The following STPG2 variants were observed in gnomAD, a reference collection of about 807,000 sequenced individuals.
STPG2 encodes the protein sperm tail PG-rich repeat containing 2.
STPG2 carries 56 observed loss-of-function variants against 54.2 expected under a neutral mutation model. The ratio of observed to expected loss-of-function variants is 1.03; its 90% CI spans 0.83 to 1.29. The LOEUF (loss-of-function observed/expected upper bound fraction) is 1.29, where lower values mean the gene tolerates loss of function less well. Among genes scored for constraint, STPG2 ranks in the 50% most tolerant of loss-of-function variants. The pLI is 0.00. For synonymous variants in STPG2, 200 were observed against 181.8 expected (o/e 1.10, Z -0.81); for missense variants, 596 against 544.9 (o/e 1.09, Z -0.93).
chr4:98,003,981 A>G (rs1202318147), intron 5 of STPG2, among the ~76,000 whole-genome samples: 2 of 152,020 alleles, frequency 1.3e-5, no homozygotes, highest in Non-Finnish European at 2.9e-5. Flanking sequence ...CATGTACATC[A>G]CCTCACATAA....
chr4:97,894,110 T>C (rs949551123), intron 8 of STPG2, among the ~76,000 whole-genome samples: 54 of 152,004 alleles, frequency 3.6e-4, no homozygotes, highest in Non-Finnish European at 7.8e-4. Flanking sequence ...TGTATAAAAG[T>C]TTGGCCTTAT....
intron 9 of STPG2, among the ~76,000 whole-genome samples, chr4:97,807,126 A>G (rs1727590868): frequency 6.6e-6 from 1 of 151,314 alleles, no homozygotes; most frequent in Non-Finnish European, 1.5e-5. Context: ...ATTTTCTTCC[A>G]TTGATGTAAT....
intron 4 of STPG2, chr4:97,441,651 T>G (rs553312320): frequency 6.6e-6 from 1 of 152,104 alleles, no homozygotes; most frequent in African/African-American, 2.4e-5. Context: ...AAAAAAGATA[T>G]AAAATTTCAC....
intron 5 of STPG2, among the ~76,000 whole-genome samples, chr4:98,083,783 T>C (rs1042451680): frequency 1.3e-5 from 2 of 152,226 alleles, no homozygotes; most frequent in Non-Finnish European, 2.9e-5. Context: ...GTAATGAAGA[T>C]ATAGAATGTT....
At chr4:97,612,964 T>C (rs992649992) in intron 10 of STPG2, among the ~76,000 whole-genome samples, 1 of 151,978 alleles carries the variant, frequency 6.6e-6, no homozygotes, top group African/African-American at 2.4e-5. Flanking sequence ...CCAATTTTAA[T>C]AAACATTTAT....
intron 4 of STPG2, among the ~76,000 whole-genome samples, chr4:97,519,286 A>G (rs1488080638): frequency 6.6e-6 from 1 of 152,080 alleles, no homozygotes; most frequent in Non-Finnish European, 1.5e-5. Flanking sequence ...GGTGCTTATC[A>G]TCTCTGATAA....
chr4:97,541,756 C>G (rs1341018279), intron 4 of STPG2, among the ~76,000 whole-genome samples: 1 of 152,156 alleles, frequency 6.6e-6, no homozygotes, highest in Non-Finnish European at 1.5e-5. Context: ...CAGCATGGTA[C>G]TGGTACCAAA....
intron 9 of STPG2, among the ~76,000 whole-genome samples, chr4:97,814,848 T>G (rs1197936743): frequency 1.3e-5 from 2 of 152,264 alleles, no homozygotes; most frequent in Non-Finnish European, 1.5e-5. Context: ...GCTTTGGGAT[T>G]CGGACTGACT....
intron 10 of STPG2, among the ~76,000 whole-genome samples, chr4:97,560,467 A>G (rs544356848): frequency 2.7e-4 from 41 of 152,288 alleles, no homozygotes; most frequent in Admixed American, 8.5e-4. Context: ...GAGGGAAAGA[A>G]CTAGGTACTC....
At chr4:97,946,349 G>C (rs1361294074) in intron 7 of STPG2, among the ~76,000 whole-genome samples, 1 of 152,086 alleles carries the variant, frequency 6.6e-6, no homozygotes, top group African/African-American at 2.4e-5. Flanking sequence ...TGGGTTGTCT[G>C]TTTACTCTGG....
At chr4:97,940,757 T>A (rs1278159927) in intron 8 of STPG2, among the ~76,000 whole-genome samples, 1 of 152,182 alleles carries the variant, frequency 6.6e-6, no homozygotes, top group African/African-American at 2.4e-5. Flanking sequence ...ATATTATCAT[T>A]ATTATTCCCT....
intron 6 of STPG2, among the ~76,000 whole-genome samples, chr4:97,977,160 T>C (rs996206126): frequency 9.9e-5 from 15 of 152,168 alleles, no homozygotes; most frequent in Admixed American, 2.0e-4. Flanking sequence ...CTATTGATCT[T>C]CATTATAGCT....
At position 98,046,631 on chromosome 4, in the gene STPG2, T is replaced by C. The variant is rs183684454; in HGVS notation, c.612+59322A>G. On this transcript the variant is annotated intron_variant, in intron 5 of 10. Coordinates refer to ENST00000295268, the MANE Select transcript of STPG2 (RefSeq NM_174952.3). Reference sequence around the variant, plus strand: ...CAGTATGGAATTAAGTCCTTCAAGATGCGGCCAAAAAAGTTGAGGAGTTAG... The same window carrying C: ...CAGTATGGAATTAAGTCCTTCAAGACGCGGCCAAAAAAGTTGAGGAGTTAG... 9.1e-3 allele frequency among the ~76,000 whole-genome samples: 1,390 copies of C among 152,274 alleles called. 13 individuals carry two copies. The highest frequency in any genetic ancestry group is 0.015 in the Non-Finnish European group (1,017 of 68,010).
chr4:97,902,004 C>T (rs967095379), intron 8 of STPG2, among the ~76,000 whole-genome samples: 2 of 152,060 alleles, frequency 1.3e-5, no homozygotes, highest in African/African-American at 2.4e-5. Context: ...TAAACCCACA[C>T]ATATACTATC....
intron 5 of STPG2, among the ~76,000 whole-genome samples, chr4:98,092,398 C>T (rs1172593040): frequency 6.6e-6 from 1 of 151,996 alleles, no homozygotes; most frequent in Non-Finnish European, 1.5e-5. Context: ...AGTCTCTGTT[C>T]ACCCTCAAAA....
chr4:98,027,698 T>A (rs547129401), intron 5 of STPG2, among the ~76,000 whole-genome samples: 15 of 152,200 alleles, frequency 9.9e-5, no homozygotes, highest in Admixed American at 1.3e-4. Context: ...GAAAACTCCA[T>A]TGAGTTTCAA....
rs184940047 is a variant in STPG2, at chr4:97,593,898, C to T, written c.1321-34781G>A. 5.9e-5 allele frequency among the ~76,000 whole-genome samples: 9 copies of T among 152,190 alleles called. No homozygotes were observed. The East Asian group carries it at 9.7e-4, about 16-fold the overall frequency. ...AGCATGTAGCCCAGAAATGCTGAGC[C>T]GAGCCATGATGCCTTAAGTTCTTCC... is the stretch of plus-strand genomic sequence containing the variant. On this transcript the variant is annotated intron_variant, in intron 10 of 10. Coordinates refer to ENST00000295268, the MANE Select transcript of STPG2 (RefSeq NM_174952.3).
At chr4:98,054,361 A>G (rs997037969) in intron 5 of STPG2, among the ~76,000 whole-genome samples, 5 of 152,174 alleles carry the variant, frequency 3.3e-5, no homozygotes, top group Non-Finnish European at 7.4e-5. Flanking sequence ...AAATGAGGAC[A>G]GTTGTTCTTC....
intron 8 of STPG2, among the ~76,000 whole-genome samples, chr4:97,908,003 C>A (rs36137216): frequency 4.5e-4 from 69 of 152,190 alleles, no homozygotes; most frequent in Middle Eastern, 3.4e-3. Context: ...GCAACAAAAG[C>A]CAAAATTGAC....
Sources: gnomAD v4.1 joint callset for allele counts (sites outside exome capture counted in the v4.1 genomes callset) on GRCh38, gnomAD v4.1.1 for gene constraint, MANE v1.5 for transcripts, NCBI Gene and HGNC (gene_info 2026-07-23, HGNC 2026-07-21) for gene names.